SGCE: variants seen among roughly 807,000 people sequenced by gnomAD.
SGCE encodes sarcoglycan epsilon, also known as epsilon-sarcoglycan.
SGCE carries 26 observed loss-of-function variants against 57.8 expected under a neutral mutation model. That is an observed-to-expected ratio of 0.45 (90% CI 0.33 to 0.62). The LOEUF (loss-of-function observed/expected upper bound fraction) is 0.62. Among genes scored for constraint, SGCE ranks in the 20% least tolerant of loss-of-function variants. SGCE has a pLI of 0.02. For missense variants in SGCE, 468 were observed against 548.6 expected, an observed-to-expected ratio of 0.85 and a Z score of 1.47; for synonymous variants, 183 against 189.5, an observed-to-expected ratio of 0.97 and a Z score of 0.28.
intron 9 of SGCE, among the ~76,000 whole-genome samples, chr7:94,594,268 G>A (rs1298539438): frequency 6.6e-6 from 1 of 152,104 alleles, no homozygotes; most frequent in African/African-American, 2.4e-5. Context: ...ACTTTACAAT[G>A]TGATTTCCAG....
intron 5 of SGCE, chr7:94,617,977 T>G (rs1584633356): frequency 6.6e-6 from 1 of 152,324 alleles, no homozygotes; most frequent in Middle Eastern, 3.4e-3. Flanking sequence ...TTCCACAGAC[T>G]ATACTTTTAT....
chr7:94,655,590 G>C (rs904700331), intron 1 of SGCE, among the ~76,000 whole-genome samples: 1 of 152,280 alleles, frequency 6.6e-6, no homozygotes, highest in South Asian at 2.1e-4. Flanking sequence ...TCGCATCGCG[G>C]TCGCAGAGCC....
At chr7:94,588,235 C>T (rs928081389) in intron 10 of SGCE, 43 of 1,044,066 alleles carry the variant, frequency 4.1e-5, no homozygotes, top group African/African-American at 2.4e-4. Flanking sequence ...CTTTTTAAAG[C>T]GGCTTTAAAA....
At chr7:94,633,356 C>T (rs922393021) in intron 1 of SGCE, among the ~76,000 whole-genome samples, 6 of 152,042 alleles carry the variant, frequency 3.9e-5, no homozygotes, top group Non-Finnish European at 5.9e-5. Context: ...GACAGGTAGT[C>T]ATAAGGAACA....
At chr7:94,587,678 CAT>C in intron 10 of SGCE, 2 of 1,525,580 alleles carry the variant, frequency 1.3e-6, no homozygotes, top group Non-Finnish European at 1.8e-6. Flanking sequence ...CTTGTTGAAA[CAT>C]GTTAGCATTT....
chr7:94,588,612 A>AATTAT, intron 10 of SGCE, 77 bp downstream of exon 10: 2 of 1,556,286 alleles, frequency 1.3e-6, no homozygotes, highest in South Asian at 2.3e-5. Context: ...AAGCTTCATA[A>AATTAT]ATTATATAGT....
chr7:94,615,727 G>A (rs536392155), intron 5 of SGCE, among the ~76,000 whole-genome samples: 1 of 152,288 alleles, frequency 6.6e-6, no homozygotes, highest in South Asian at 2.1e-4. Context: ...GGAAAAGTGA[G>A]TATATTCTTT....
At chr7:94,591,043 C>T (rs1043290726) in intron 9 of SGCE, among the ~76,000 whole-genome samples, 1 of 151,980 alleles carries the variant, frequency 6.6e-6, no homozygotes, top group Admixed American at 6.6e-5. Context: ...TAATTCATCC[C>T]GACGATTATA....
At chr7:94,655,468 G>C (rs1584800034) in intron 1 of SGCE, among the ~76,000 whole-genome samples, 1 of 152,036 alleles carries the variant, frequency 6.6e-6, no homozygotes, top group South Asian at 2.1e-4. Context: ...AGCAAGAGGG[G>C]GAAATTCGGT....
intron 5 of SGCE, among the ~76,000 whole-genome samples, chr7:94,604,997 G>C (rs980273798): frequency 5.3e-5 from 8 of 151,390 alleles, no homozygotes; most frequent in African/African-American, 1.9e-4. Flanking sequence ...ACTAATCATA[G>C]AATTACAGAA....
chr7:94,587,528 AGCTG>A (rs1456477975), intron 10 of SGCE: 1 of 1,300,452 alleles, frequency 7.7e-7, no homozygotes, highest in Admixed American at 4.2e-5. Flanking sequence ...TTTAAAAAAT[AGCTG>A]TGAAATTAGT....
chr7:94,639,767 G>A (rs1806115440), intron 1 of SGCE, among the ~76,000 whole-genome samples: 1 of 152,042 alleles, frequency 6.6e-6, no homozygotes, highest in Non-Finnish European at 1.5e-5. Flanking sequence ...ACACACAAAT[G>A]GTAGAAAGCA....
chr7:94,613,235 C>T (rs564144198), intron 5 of SGCE, among the ~76,000 whole-genome samples: 5 of 152,286 alleles, frequency 3.3e-5, no homozygotes, highest in South Asian at 2.1e-4. Context: ...AGTTTGAACA[C>T]ACTGGCTTTT....
chr7:94,643,611 C>T (rs760002359), intron 1 of SGCE, among the ~76,000 whole-genome samples: 4 of 152,082 alleles, frequency 2.6e-5, no homozygotes, highest in Non-Finnish European at 1.5e-5. Flanking sequence ...AGGCAAGACA[C>T]GATGCCACGA....
intron 9 of SGCE, among the ~76,000 whole-genome samples, chr7:94,592,476 G>T (rs552466095): frequency 6.6e-6 from 1 of 152,082 alleles, no homozygotes; most frequent in Non-Finnish European, 1.5e-5. Flanking sequence ...TAAGTGAAAA[G>T]TTATTATGTG....
At chr7:94,643,166 T>C (rs530257339) in intron 1 of SGCE, among the ~76,000 whole-genome samples, 2 of 152,200 alleles carry the variant, frequency 1.3e-5, no homozygotes, top group Non-Finnish European at 2.9e-5. Flanking sequence ...TATTATACCT[T>C]ATGGGCTATT....
Position 94,629,550 on chromosome 7 carries a change from T to C in SGCE, c.232+169A>G. 5 of 650,046 alleles carry C rather than the reference T, an allele frequency of 7.7e-6. No individual in the cohort carries two copies. The Middle Eastern group carries it at 1.8e-3, about 237-fold the overall frequency. The allele number at this position is 650,046 out of a possible 1,614,324, so 40.3% of individuals were successfully genotyped here. On this transcript the variant is annotated intron_variant, in intron 2 of 10. Coordinates refer to ENST00000648936, the MANE Select transcript of SGCE (RefSeq NM_003919.3). ...CATTCAAAAATAAATTATTTTTGTC[T>C]GTAATTAAATTTCTAATCTGTAAAT...
intron 4 of SGCE, chr7:94,620,399 A>G (rs1454646929): frequency 1.3e-5 from 2 of 150,938 alleles, no homozygotes; most frequent in African/African-American, 5.0e-5. Context: ...TCCTTAATGT[A>G]TAGCCCATCT....
At chr7:94,646,384 T>C (rs765322731) in intron 1 of SGCE, among the ~76,000 whole-genome samples, 1 of 152,192 alleles carries the variant, frequency 6.6e-6, no homozygotes, top group African/African-American at 2.4e-5. Context: ...GGTTACTCAC[T>C]TCTCTTGGTA....
Sources: gnomAD v4.1 joint callset for allele counts (sites outside exome capture counted in the v4.1 genomes callset) on GRCh38, gnomAD v4.1.1 for gene constraint, MANE v1.5 for transcripts, NCBI Gene and HGNC (gene_info 2026-07-23, HGNC 2026-07-21) for gene names.